Variants in GREB1 observed in about 807,000 individuals in gnomAD.
The protein encoded by GREB1 is growth regulating estrogen receptor binding 1.
In GREB1, 106 loss-of-function variants were observed where a neutral mutation model predicts 200.7. The observed-to-expected ratio is 0.53, with a 90% CI of 0.45 to 0.62. The LOEUF is 0.62. Among genes scored for constraint, GREB1 ranks in the 20% least tolerant of loss-of-function variants. GREB1 has a pLI of 0.00. For synonymous variants in GREB1, 1,132 were observed against 1,092.4 expected, an observed-to-expected ratio of 1.04 and a Z score of -0.72; for missense variants, 2,243 against 2,556.8, an observed-to-expected ratio of 0.88 and a Z score of 2.65.
intron 23 of GREB1, 65 bp from the exon 24 acceptor site, chr2:11,625,089 A>G: frequency 1.6e-6 from 2 of 1,289,556 alleles, no homozygotes; most frequent in Non-Finnish European, 2.2e-6. Context: ...TTGTTTAGCG[A>G]CACATGACTG....
chr2:11,577,661 C>T lies in GREB1; in HGVS notation c.638-636C>T, dbSNP rs1325027171. On this transcript the variant is annotated intron_variant, in intron 5 of 32. Coordinates refer to ENST00000381486, the MANE Select transcript of GREB1 (RefSeq NM_014668.4). ...CTGTGTTTGTTCCCATCTTGTCTTC[C>T]GGACGCTCCCGGGCAGGTCCTGGGA... 2.6e-5 allele frequency among the ~76,000 whole-genome samples: 4 copies of T among 152,200 alleles called. No homozygotes were observed. In the East Asian group the frequency reaches 5.8e-4, roughly 22 times the overall value.
chr2:11,566,860 C>T (rs556220556), intron 4 of GREB1, among the ~76,000 whole-genome samples: 10 of 152,250 alleles, frequency 6.6e-5, no homozygotes, highest in African/African-American at 1.7e-4. Context: ...TGACTGCATC[C>T]CTGCAGAAAG....
chr2:11,540,199 A>G (rs1420631538), intron 1 of GREB1: 1 of 152,268 alleles, frequency 6.6e-6, no homozygotes, highest in Non-Finnish European at 1.5e-5. Context: ...GCCTGTGTTC[A>G]GCAGAATAAT....
intron 9 of GREB1, chr2:11,587,693 T>G (rs1680264670): frequency 1.0e-6 from 1 of 980,242 alleles, no homozygotes; most frequent in Non-Finnish European, 1.3e-6. Context: ...GAGTACAAGA[T>G]AACACACACA....
rs1277384568 is a variant in GREB1, at chr2:11,597,068, C to A, written c.1955-713C>A. 6.6e-6 allele frequency among the ~76,000 whole-genome samples: 1 copy of A among 151,076 alleles called. No homozygotes were observed. Among genetic ancestry groups the A allele is most frequent in the African/African-American group, 2.4e-5 (1 of 40,986 alleles). ...GCACCGTGAGAGAGGGCAGTGGGCA[C>A]AGGTGTGCTAAGTGGGTGCTGAGGG... is the stretch of plus-strand genomic sequence containing the variant. On this transcript the variant is annotated intron_variant, in intron 13 of 32. Coordinates refer to ENST00000381486, the MANE Select transcript of GREB1 (RefSeq NM_014668.4). The surrounding 1 kb of genome is among the most constrained non-coding windows in gnomAD (Gnocchi z 4.1).
intron 22 of GREB1, among the ~76,000 whole-genome samples, chr2:11,620,508 T>G (rs950182316): frequency 6.6e-6 from 1 of 152,190 alleles, no homozygotes; most frequent in Non-Finnish European, 1.5e-5. Context: ...TTTTTATGTC[T>G]TATACAATGA....
chr2:11,566,896 T>A (rs1240637088), intron 4 of GREB1, among the ~76,000 whole-genome samples: 15 of 152,206 alleles, frequency 9.9e-5, no homozygotes, highest in Non-Finnish European at 5.9e-5. Flanking sequence ...TCATTTTTCA[T>A]ACATTTATTC....
At chr2:11,582,165 T>G (rs1443923461) in intron 7 of GREB1, among the ~76,000 whole-genome samples, 1 of 152,188 alleles carries the variant, frequency 6.6e-6, no homozygotes, top group Non-Finnish European at 1.5e-5. Context: ...GGGCTGTCTG[T>G]GGACCCCCAG....
chr2:11,495,088 T>C (rs1672852005), intron 1 of GREB1, among the ~76,000 whole-genome samples: 1 of 152,170 alleles, frequency 6.6e-6, no homozygotes, highest in Admixed American at 6.5e-5. Flanking sequence ...TGATTGGTCT[T>C]CCTGGGGAAT....
chr2:11,587,576 C>T, intron 9 of GREB1: 1 of 1,505,472 alleles, frequency 6.6e-7, no homozygotes, highest in Non-Finnish European at 8.9e-7. Flanking sequence ...GAGAACGTGA[C>T]CTGTGCCCCA....
intron 1 of GREB1, among the ~76,000 whole-genome samples, chr2:11,537,666 A>C (rs1243207218): frequency 6.8e-6 from 1 of 146,354 alleles, no homozygotes; most frequent in African/African-American, 2.5e-5. Flanking sequence ...AAAAATATAA[A>C]AATATTTTAT....
chr2:11,497,865 A>G (rs776624427), intron 1 of GREB1, among the ~76,000 whole-genome samples: 11 of 149,424 alleles, frequency 7.4e-5, no homozygotes, highest in Non-Finnish European at 1.5e-4. Context: ...TAAAATATAT[A>G]TATTCTAAGT....
At chr2:11,490,071 C>T (rs1672745414) in intron 1 of GREB1, among the ~76,000 whole-genome samples, 1 of 151,086 alleles carries the variant, frequency 6.6e-6, no homozygotes, top group South Asian at 2.1e-4. Context: ...AGTTTATGTG[C>T]TACAAAAGTT....
intron 1 of GREB1, among the ~76,000 whole-genome samples, chr2:11,486,313 A>T (rs75775881): frequency 6.6e-6 from 1 of 152,106 alleles, no homozygotes; most frequent in African/African-American, 2.4e-5. Flanking sequence ...TTTTAAAAAA[A>T]ATTTAGTTTT....
At chr2:11,555,547 G>A (rs1033144846) in intron 1 of GREB1, among the ~76,000 whole-genome samples, 1 of 152,200 alleles carries the variant, frequency 6.6e-6, no homozygotes, top group South Asian at 2.1e-4. Context: ...ATCAAAATAC[G>A]TGAGTGGGAA....
At chr2:11,596,685 AG>A (rs1363796448) in intron 13 of GREB1, among the ~76,000 whole-genome samples, 1 of 26,794 alleles carries the variant, frequency 3.7e-5, no homozygotes, top group Non-Finnish European at 6.9e-5. Context: ...GTGTACAGTG[AG>A]GGGGTGGGGC....
At chr2:11,567,029 T>C (rs903295151) in intron 4 of GREB1, among the ~76,000 whole-genome samples, 6 of 152,218 alleles carry the variant, frequency 3.9e-5, no homozygotes, top group Non-Finnish European at 8.8e-5. Context: ...GCTTCCAGAA[T>C]GTTCTGTCCT....
intron 1 of GREB1, among the ~76,000 whole-genome samples, chr2:11,508,937 C>G (rs974059184): frequency 2.7e-5 from 4 of 148,310 alleles, no homozygotes; most frequent in Non-Finnish European, 4.4e-5. Flanking sequence ...TGCAGTGGCG[C>G]GATCTCGGCT....
intron 14 of GREB1, among the ~76,000 whole-genome samples, chr2:11,598,422 C>T (rs926830713): frequency 3.3e-5 from 5 of 152,248 alleles, no homozygotes; most frequent in Admixed American, 1.3e-4. Flanking sequence ...TGCTTGGGAT[C>T]AGCTGCTTCA....
Sources: allele counts gnomAD v4.1 joint callset (sites outside exome capture counted in the v4.1 genomes callset), GRCh38; gene constraint gnomAD v4.1.1; non-coding constraint Gnocchi (gnomAD v3.1); transcripts MANE v1.5; gene names NCBI Gene and HGNC (gene_info 2026-07-23, HGNC 2026-07-21).